The following CDH18 variants were observed in gnomAD, a reference collection of about 807,000 sequenced individuals.
CDH18 encodes cadherin-18.
A neutral mutation model predicts 67.9 loss-of-function variants in CDH18; 31 were observed. The observed-to-expected ratio is 0.46, with a 90% CI of 0.34 to 0.62. The LOEUF (loss-of-function observed/expected upper bound fraction) is 0.62. Ranked by LOEUF, CDH18 falls within the 20% of genes least tolerant of loss-of-function variation. CDH18 has a pLI of 0.01. For synonymous variants in CDH18, 362 were observed against 347.2 expected, an observed-to-expected ratio of 1.04 and a Z score of -0.48; for missense variants, 890 against 975.5, an observed-to-expected ratio of 0.91 and a Z score of 1.17.
At chr5:19,987,224 G>A (rs886247342) in intron 1 of CDH18, among the ~76,000 whole-genome samples, 1 of 150,838 alleles carries the variant, frequency 6.6e-6, no homozygotes, top group African/African-American at 2.5e-5. Context: ...ACATATGAGA[G>A]GTTTGCCTAG....
chr5:20,484,635 T>C (rs1364359625), intron 1 of CDH18, among the ~76,000 whole-genome samples: 1 of 151,988 alleles, frequency 6.6e-6, no homozygotes, highest in Non-Finnish European at 1.5e-5. Flanking sequence ...TACAACAACA[T>C]GGATGGAATT....
chr5:20,366,002 T>C lies in CDH18; in HGVS notation c.-579-110497A>G, dbSNP rs538579144. Among the ~76,000 whole-genome samples the C allele has an allele frequency of 1.1e-4, 17 of 152,282 alleles. No homozygotes were observed. The South Asian group carries it at 3.5e-3, about 32-fold the overall frequency. The stretch of plus-strand genomic sequence containing the variant: ...TCTGAAGATATCTTCTCTATTTCAC[T>C]TTTTTATAATTTATTATATGCCCAT... On this transcript the variant is annotated intron_variant, in intron 1 of 14. Transcript: ENST00000507958.
intron 1 of CDH18, among the ~76,000 whole-genome samples, chr5:20,508,065 A>G (rs73764439): frequency 0.023 from 3,567 of 152,034 alleles, 133 homozygotes; most frequent in African/African-American, 0.079. Flanking sequence ...GAAATGAAAT[A>G]GTTTCTAGTG....
At chr5:19,658,863 T>C (rs562258230) in intron 5 of CDH18, among the ~76,000 whole-genome samples, 1 of 152,122 alleles carries the variant, frequency 6.6e-6, no homozygotes. Flanking sequence ...CCATGTGTTC[T>C]CATTTATTCA....
intron 2 of CDH18, among the ~76,000 whole-genome samples, chr5:20,198,151 T>C (rs1372612549): frequency 6.6e-6 from 1 of 152,126 alleles, no homozygotes; most frequent in Admixed American, 6.5e-5. Context: ...ATACAGTAAA[T>C]TGTTACTGAG....
Position 19,780,041 on chromosome 5 carries a change from T to G in CDH18, c.229-32805A>C, listed in dbSNP as rs774635753. 2.0e-5 allele frequency among the ~76,000 whole-genome samples: 3 copies of G among 152,140 alleles called. No individual in the cohort carries two copies. In the South Asian group the frequency reaches 6.2e-4, roughly 31 times the overall value. ...ATGTAGGAAGGGCCTGTTAATGTCTTTCCTTATGTAACCTTCTTAGCTTAA... is the reference window on the plus strand; with the variant it reads ...ATGTAGGAAGGGCCTGTTAATGTCTGTCCTTATGTAACCTTCTTAGCTTAA... On this transcript the variant is annotated intron_variant, in intron 3 of 12. Coordinates refer to ENST00000382275, the MANE Select transcript of CDH18 (RefSeq NM_004934.5).
chr5:19,483,497 A>C lies in CDH18; in HGVS notation c.1686T>G (p.Asp562Glu). ...RRRRFSRTVQ[D>E]VYYLPIMISD... ...AGATCATAATGGGCAGATAATACAC[A>C]TCCTGAACAGTTCGACTAAATCTCC... is the stretch of plus-strand genomic sequence containing the variant. Residue 562 changes from aspartate to glutamate, a missense_variant, in exon 12 of 13, where the codon GAT becomes GAG. By Grantham distance (45) the Asp-to-Glu change is conservative. Transcript: ENST00000382275. The C allele has an allele frequency of 1.2e-6, 2 of 1,614,040 alleles. No homozygotes were observed. The highest frequency in any genetic ancestry group is 1.7e-6 in the Non-Finnish European group (2 of 1,179,946).
At chr5:20,441,851 T>C (rs1366412098) in intron 1 of CDH18, among the ~76,000 whole-genome samples, 4 of 151,954 alleles carry the variant, frequency 2.6e-5, no homozygotes, top group Non-Finnish European at 5.9e-5. Context: ...TACTATTTAA[T>C]CAAGAGATGA....
intron 1 of CDH18, among the ~76,000 whole-genome samples, chr5:20,423,348 C>T (rs1381438489): frequency 3.3e-5 from 5 of 151,218 alleles, no homozygotes; most frequent in Non-Finnish European, 7.3e-5. Flanking sequence ...TCCTTCCTTA[C>T]TGCTGGGCAT....
intron 9 of CDH18, among the ~76,000 whole-genome samples, chr5:19,532,331 G>A (rs1015230050): frequency 6.6e-6 from 1 of 152,044 alleles, no homozygotes; most frequent in Non-Finnish European, 1.5e-5. Flanking sequence ...GCTTGTCACT[G>A]GGTTGTTGAC....
intron 2 of CDH18, among the ~76,000 whole-genome samples, chr5:20,107,225 C>A (rs1256830438): frequency 1.3e-5 from 2 of 152,032 alleles, no homozygotes; most frequent in Non-Finnish European, 2.9e-5. Flanking sequence ...GGACTACAGG[C>A]GCCCTCCATC....
chr5:20,198,017 C>G lies in CDH18; in HGVS notation c.-518+57427G>C, dbSNP rs529083168. Among the ~76,000 whole-genome samples, 3 of 152,254 alleles carry G rather than the reference C, an allele frequency of 2.0e-5. No homozygotes were observed. In the South Asian group the frequency reaches 6.2e-4, roughly 32 times the overall value. On this transcript the variant is annotated intron_variant, in intron 2 of 14. Transcript: ENST00000507958. Reference sequence around the variant, plus strand: ...CTTCCCCCTTAAGTGGGCACTCATTCCCTCTCCTACCGCCCTGTGAAGAGG... The same window carrying G: ...CTTCCCCCTTAAGTGGGCACTCATTGCCTCTCCTACCGCCCTGTGAAGAGG...
chr5:19,845,546 C>T (rs1782837522), intron 2 of CDH18, among the ~76,000 whole-genome samples: 2 of 151,936 alleles, frequency 1.3e-5, no homozygotes, highest in Admixed American at 6.6e-5. Context: ...TAGTGTTGTT[C>T]AAGTTCTCTG....
intron 1 of CDH18, among the ~76,000 whole-genome samples, chr5:20,443,480 A>T (rs1004811304): frequency 2.6e-5 from 4 of 151,652 alleles, no homozygotes; most frequent in Non-Finnish European, 4.4e-5. Flanking sequence ...ATTTCCTAGG[A>T]CCATCCCAGC....
chr5:19,489,529 G>C (rs1030101110), intron 11 of CDH18, among the ~76,000 whole-genome samples: 2 of 151,988 alleles, frequency 1.3e-5, no homozygotes, highest in East Asian at 3.9e-4. Flanking sequence ...TTACAGGTGT[G>C]AGCCACCGCG....
intron 2 of CDH18, among the ~76,000 whole-genome samples, chr5:20,154,218 T>G (rs1188124426): frequency 1.3e-5 from 2 of 152,218 alleles, no homozygotes; most frequent in Admixed American, 1.3e-4. Flanking sequence ...AGTATTTGTT[T>G]ATTAATCAGT....
At chr5:20,281,459 T>C (rs1481979650) in intron 1 of CDH18, among the ~76,000 whole-genome samples, 1 of 152,172 alleles carries the variant, frequency 6.6e-6, no homozygotes, top group Non-Finnish European at 1.5e-5. Flanking sequence ...ATTTATTAAA[T>C]AGGGAATCCT....
intron 12 of CDH18, among the ~76,000 whole-genome samples, chr5:19,479,097 T>C (rs1326979740): frequency 6.6e-6 from 1 of 152,184 alleles, no homozygotes; most frequent in Admixed American, 6.6e-5. Context: ...TTCAAAATTC[T>C]ACAGAATGAC....
intron 8 of CDH18, among the ~76,000 whole-genome samples, chr5:19,565,638 T>C (rs1255986317): frequency 6.6e-6 from 1 of 152,198 alleles, no homozygotes; most frequent in Non-Finnish European, 1.5e-5. Context: ...TAAATGACTC[T>C]TCAGTGGTGC....
Sources: gnomAD v4.1 joint callset for allele counts (sites outside exome capture counted in the v4.1 genomes callset) on GRCh38, gnomAD v4.1.1 for gene constraint, MANE v1.5 for transcripts, NCBI Gene and HGNC (gene_info 2026-07-23, HGNC 2026-07-21) for gene names.